DPYD: variants seen among roughly 807,000 people sequenced by gnomAD.
DPYD encodes the protein dihydropyrimidine dehydrogenase [NADP(+)].
DPYD carries 109 observed loss-of-function variants against 116.2 expected under a neutral mutation model. That is an observed-to-expected ratio of 0.94 (90% CI 0.80 to 1.10). DPYD has a LOEUF of 1.10. Ranked by LOEUF, DPYD falls within the 50% of genes least tolerant of loss-of-function variation. The probability of loss-of-function intolerance (pLI) is 0.00; values close to 1 mark genes in which losing one functional copy is unlikely to be tolerated. For synonymous variants in DPYD, 440 were observed against 432.0 expected (o/e 1.02, Z -0.23); for missense variants, 1,302 against 1,254.5 (o/e 1.04, Z -0.57).
chr1:97,364,348 T>C (rs1032007687), intron 16 of DPYD, among the ~76,000 whole-genome samples: 1 of 152,126 alleles, frequency 6.6e-6, no homozygotes, highest in Non-Finnish European at 1.5e-5. Context: ...TTGCAACCTA[T>C]CTATGAGGAC....
At chr1:97,364,096 C>T (rs1300796698) in intron 16 of DPYD, among the ~76,000 whole-genome samples, 3 of 152,022 alleles carry the variant, frequency 2.0e-5, no homozygotes, top group Non-Finnish European at 4.4e-5. Context: ...ATACTGTTAT[C>T]CCTTCATATA....
chr1:97,525,897 T>C (rs112430788), intron 12 of DPYD, among the ~76,000 whole-genome samples: 1,794 of 43,438 alleles, frequency 0.041, 36 homozygotes, highest in Admixed American at 0.061. Flanking sequence ...CGCGCGCGCG[T>C]GTGTGTGTGT....
chr1:97,301,746 C>T (rs1570465250), intron 18 of DPYD, among the ~76,000 whole-genome samples: 1 of 152,056 alleles, frequency 6.6e-6, no homozygotes, highest in Middle Eastern at 3.4e-3. Context: ...TAGCTTATGC[C>T]ATGCAGGACT....
At position 97,921,027 on chromosome 1, in the gene DPYD, G is replaced by C. The variant is rs1422108531; in HGVS notation, c.-105C>G. Reference sequence around the variant, plus strand: ...GCAGCCGGAGCGCGAGTCGAAAACAGGCAGACTAGGGCCGGCGGCGCGGGG... The same window carrying C: ...GCAGCCGGAGCGCGAGTCGAAAACACGCAGACTAGGGCCGGCGGCGCGGGG... On this transcript the variant is annotated 5_prime_UTR_variant, in exon 1 of 23. Coordinates refer to ENST00000370192, the MANE Select transcript of DPYD (RefSeq NM_000110.4). 4 of 1,401,900 alleles carry C rather than the reference G, an allele frequency of 2.9e-6. No homozygotes were observed. The highest frequency in any genetic ancestry group is 5.3e-5 in the East Asian group (2 of 37,866). The allele number at this position is 1,401,900 out of a possible 1,614,324, so 86.8% of individuals were successfully genotyped here.
At chr1:97,316,051 C>T (rs1232870062) in intron 16 of DPYD, among the ~76,000 whole-genome samples, 1 of 151,912 alleles carries the variant, frequency 6.6e-6, no homozygotes, top group African/African-American at 2.4e-5. Context: ...TGTGCAAATG[C>T]CCATGGATAA....
At chr1:97,195,772 T>C (rs1658762783) in intron 19 of DPYD, among the ~76,000 whole-genome samples, 2 of 146,938 alleles carry the variant, frequency 1.4e-5, no homozygotes, top group African/African-American at 5.0e-5. Context: ...CTGGGAATGC[T>C]AGCACTTAAA....
intron 20 of DPYD, among the ~76,000 whole-genome samples, chr1:97,170,834 C>A (rs1656673218): frequency 6.6e-6 from 1 of 151,992 alleles, no homozygotes; most frequent in African/African-American, 2.4e-5. Flanking sequence ...AGCCACCACA[C>A]CCAGTTAATT....
intron 12 of DPYD, among the ~76,000 whole-genome samples, chr1:97,525,889 C>CGT (rs1649034581): frequency 9.9e-6 from 1 of 101,186 alleles, no homozygotes; most frequent in Non-Finnish European, 1.9e-5. Flanking sequence ...TGTGTGTGCG[C>CGT]GCGCGCGTGT....
At chr1:97,613,299 C>T (rs1270095782) in intron 8 of DPYD, among the ~76,000 whole-genome samples, 1 of 152,000 alleles carries the variant, frequency 6.6e-6, no homozygotes, top group Non-Finnish European at 1.5e-5. Context: ...TCTGGGAACC[C>T]TCTTTCCTAA....
intron 13 of DPYD, among the ~76,000 whole-genome samples, chr1:97,466,677 G>A (rs1677341210): frequency 1.3e-5 from 2 of 152,032 alleles, no homozygotes; most frequent in South Asian, 4.2e-4. Flanking sequence ...GGGGCTAAAT[G>A]GGAAGTTATG....
chr1:97,635,991 T>C (rs982902869), intron 8 of DPYD, among the ~76,000 whole-genome samples: 1 of 152,092 alleles, frequency 6.6e-6, no homozygotes, highest in Non-Finnish European at 1.5e-5. Flanking sequence ...AGCTAAGTTT[T>C]GTATTTTATT....
chr1:97,657,060 C>G (rs914734137), intron 8 of DPYD, among the ~76,000 whole-genome samples: 1 of 151,286 alleles, frequency 6.6e-6, no homozygotes, highest in Non-Finnish European at 1.5e-5. Flanking sequence ...CTCTATCTAC[C>G]AGGTTCAAGC....
intron 11 of DPYD, among the ~76,000 whole-genome samples, chr1:97,557,308 CTTTTTTTT>C (rs796245332): frequency 9.3e-6 from 1 of 107,158 alleles, no homozygotes; most frequent in Non-Finnish European, 1.9e-5. Flanking sequence ...TTTTTCTTTT[CTTTTTTTT>C]TTTTTTTTTT....
chr1:97,155,805 T>G (rs781226657), intron 20 of DPYD, among the ~76,000 whole-genome samples: 1 of 152,320 alleles, frequency 6.6e-6, no homozygotes, highest in Non-Finnish European at 1.5e-5. Flanking sequence ...TCTTTTGATC[T>G]CACTTTCCAA....
At position 97,400,352 on chromosome 1, in the gene DPYD, A is replaced by T. The variant is rs527860788; in HGVS notation, c.1906-17891T>A. Among the ~76,000 whole-genome samples the T allele has an allele frequency of 2.0e-5, 3 of 152,314 alleles. No homozygotes were observed. In the East Asian group the frequency reaches 5.8e-4, roughly 29 times the overall value. The stretch of plus-strand genomic sequence containing the variant: ...GATGTGTTGCTGGATTCAGTTTGCC[A>T]GTATTTTATTGAGGATTTTTGCATC... On this transcript the variant is annotated intron_variant, in intron 14 of 22. Coordinates refer to ENST00000370192, the MANE Select transcript of DPYD (RefSeq NM_000110.4).
intron 13 of DPYD, among the ~76,000 whole-genome samples, chr1:97,483,476 C>G (rs1001222304): frequency 6.6e-6 from 1 of 151,978 alleles, no homozygotes; most frequent in Non-Finnish European, 1.5e-5. Flanking sequence ...CACAGGGAGG[C>G]GAACGACACT....
chr1:97,278,789 T>C (rs747834872), intron 18 of DPYD, among the ~76,000 whole-genome samples: 2 of 152,338 alleles, frequency 1.3e-5, no homozygotes, highest in Non-Finnish European at 2.9e-5. Context: ...GATAATAATC[T>C]GTTTTTCTTG....
intron 13 of DPYD, among the ~76,000 whole-genome samples, chr1:97,498,188 T>C (rs1019351274): frequency 6.6e-6 from 1 of 151,678 alleles, no homozygotes; most frequent in Non-Finnish European, 1.5e-5. Flanking sequence ...TAACTGCTAA[T>C]GGGTATGGAG....
chr1:97,558,653 A>T (rs181951916), intron 11 of DPYD, among the ~76,000 whole-genome samples: 1 of 152,178 alleles, frequency 6.6e-6, no homozygotes, highest in African/African-American at 2.4e-5. Flanking sequence ...TTCAGGATAA[A>T]CTTAGGCTCC....
Sources: allele counts gnomAD v4.1 joint callset (sites outside exome capture counted in the v4.1 genomes callset), GRCh38; gene constraint gnomAD v4.1.1; transcripts MANE v1.5; gene names NCBI Gene and HGNC (gene_info 2026-07-23, HGNC 2026-07-21).